The following CDC42BPB variants were observed in gnomAD, a reference collection of about 807,000 sequenced individuals.
CDC42BPB encodes the protein CDC42 binding protein kinase beta, also known as serine/threonine-protein kinase MRCK beta.
In CDC42BPB, 37 loss-of-function variants were observed where a neutral mutation model predicts 214.9. That is an observed-to-expected ratio of 0.17 (90% CI 0.13 to 0.23). The LOEUF (loss-of-function observed/expected upper bound fraction) is 0.23, where lower values mean the gene tolerates loss of function less well. Ranked by LOEUF, CDC42BPB falls within the 10% of genes least tolerant of loss-of-function variation. The probability of loss-of-function intolerance (pLI) is 1.00; values close to 1 mark genes in which losing one functional copy is unlikely to be tolerated. For missense variants in CDC42BPB, 1,694 were observed against 2,227.0 expected, an observed-to-expected ratio of 0.76 and a Z score of 4.82; for synonymous variants, 931 against 884.0, an observed-to-expected ratio of 1.05 and a Z score of -0.94.
chr14:102,954,993 T>C (rs1406986059), intron 21 of CDC42BPB: 1 of 159,128 alleles, frequency 6.3e-6, no homozygotes, highest in Non-Finnish European at 1.3e-5. Flanking sequence ...GAGACACCTC[T>C]AATGCACAGC....
At chr14:103,019,408 A>G (rs570857932) in intron 1 of CDC42BPB, among the ~76,000 whole-genome samples, 1 of 152,270 alleles carries the variant, frequency 6.6e-6, no homozygotes, top group South Asian at 2.1e-4. Context: ...GCACCTGGGC[A>G]TCATCTCAGA....
chr14:102,984,578 C>T (rs1387874613), intron 6 of CDC42BPB, among the ~76,000 whole-genome samples: 2 of 152,108 alleles, frequency 1.3e-5, no homozygotes, highest in African/African-American at 4.8e-5. Flanking sequence ...ACAGTGACAC[C>T]TCTGCAGAAA....
intron 1 of CDC42BPB, among the ~76,000 whole-genome samples, chr14:103,019,986 T>C (rs921542548): frequency 5.3e-5 from 8 of 152,210 alleles, no homozygotes; most frequent in African/African-American, 1.9e-4. Context: ...TCAAACAAGA[T>C]GAGACCAGCT....
intron 1 of CDC42BPB, among the ~76,000 whole-genome samples, chr14:103,020,328 C>T (rs982691828): frequency 1.3e-5 from 2 of 152,218 alleles, no homozygotes; most frequent in African/African-American, 2.4e-5. Flanking sequence ...GTCAACTCCA[C>T]CCACAGCGTG....
Position 102,938,296 on chromosome 14 carries a change from T to C in CDC42BPB, c.4933+10A>G. On this transcript the variant is annotated intron_variant, in intron 35 of 36. Coordinates refer to ENST00000361246, the MANE Select transcript of CDC42BPB (RefSeq NM_006035.4). ...CCCCCAGGGCTGCGGGGGCCAGGCT[T>C]CCCCTGTACCTGATGAGGGCCACGA... 3.7e-6 allele frequency: 6 copies of C among 1,607,110 alleles called. No individual in the cohort carries two copies. Among genetic ancestry groups the C allele is most frequent in the Non-Finnish European group, 5.1e-6 (6 of 1,177,090 alleles).
intron 1 of CDC42BPB, among the ~76,000 whole-genome samples, chr14:103,030,695 CAA>C (rs975085322): frequency 6.6e-6 from 1 of 151,520 alleles, no homozygotes; most frequent in African/African-American, 2.4e-5. Context: ...GGCTCCATCT[CAA>C]AAAAAAGTGT....
intron 2 of CDC42BPB, among the ~76,000 whole-genome samples, chr14:103,010,697 A>C (rs967757117): frequency 3.3e-5 from 5 of 152,340 alleles, no homozygotes; most frequent in African/African-American, 1.2e-4. Flanking sequence ...GAGAGCTTAG[A>C]TCAAACCTCA....
At chr14:102,959,762 T>C in intron 20 of CDC42BPB, 52 bp from the exon 21 acceptor site, 1 of 1,558,960 alleles carries the variant, frequency 6.4e-7, no homozygotes, top group Non-Finnish European at 8.7e-7. Flanking sequence ...AGTCTACATA[T>C]TATTTTCAGA....
intron 5 of CDC42BPB, among the ~76,000 whole-genome samples, chr14:102,990,242 TAAAACAAAAC>T (rs200346081): frequency 1.2e-4 from 18 of 152,006 alleles, no homozygotes; most frequent in South Asian, 2.1e-4. Context: ...GAGATGGGGT[TAAAACAAAAC>T]AAAACAAAAC....
chr14:102,947,448 G>A (rs918785363), intron 27 of CDC42BPB, among the ~76,000 whole-genome samples: 15 of 152,216 alleles, frequency 9.9e-5, no homozygotes, highest in African/African-American at 2.9e-4. Context: ...TGGCCGGGAC[G>A]TGGACTGAGT....
intron 1 of CDC42BPB, among the ~76,000 whole-genome samples, chr14:103,039,929 T>C (rs536851756): frequency 2.0e-5 from 3 of 152,144 alleles, no homozygotes; most frequent in Admixed American, 6.6e-5. Context: ...AATTAAAAAG[T>C]TCAGCAATTT....
At chr14:102,950,146 G>A (rs542798036) in intron 25 of CDC42BPB, 1 of 964,342 alleles carries the variant, frequency 1.0e-6, no homozygotes, top group East Asian at 1.1e-4. Flanking sequence ...AGGGTGCTGT[G>A]GTACACGCAG....
intron 36 of CDC42BPB, among the ~76,000 whole-genome samples, chr14:102,934,647 T>C (rs1021438358): frequency 1.3e-5 from 2 of 152,176 alleles, no homozygotes; most frequent in African/African-American, 2.4e-5. Context: ...GCACTAGGAA[T>C]AGAGGGGAAC....
intron 16 of CDC42BPB, 134 bp downstream of exon 16, chr14:102,968,119 G>A: frequency 1.6e-6 from 1 of 626,720 alleles, no homozygotes; most frequent in East Asian, 2.9e-5. Flanking sequence ...AAACTTCCAA[G>A]ACTCAAGAAT....
At chr14:102,958,763 C>T (rs1199132070) in intron 21 of CDC42BPB, among the ~76,000 whole-genome samples, 2 of 152,136 alleles carry the variant, frequency 1.3e-5, no homozygotes, top group Non-Finnish European at 2.9e-5. Flanking sequence ...AACCACCTTT[C>T]CCATCGATCC....
chr14:103,026,519 T>G (rs1887063722), intron 1 of CDC42BPB, among the ~76,000 whole-genome samples: 1 of 151,956 alleles, frequency 6.6e-6, no homozygotes, highest in African/African-American at 2.4e-5. Context: ...ATCATTCTGT[T>G]TTTTAACTAC....
At chr14:103,032,410 T>C (rs557702447) in intron 1 of CDC42BPB, among the ~76,000 whole-genome samples, 1 of 152,014 alleles carries the variant, frequency 6.6e-6, no homozygotes, top group South Asian at 2.1e-4. Context: ...CCACAAAATA[T>C]ACTGGGCCAA....
intron 5 of CDC42BPB, among the ~76,000 whole-genome samples, chr14:102,992,023 C>T (rs1384275410): frequency 1.3e-5 from 2 of 152,136 alleles, no homozygotes; most frequent in East Asian, 3.9e-4. Flanking sequence ...TGCTCATGAG[C>T]CACATGTGGC....
At chr14:102,950,417 C>A in intron 25 of CDC42BPB, 49 bp downstream of exon 25, 1 of 1,605,484 alleles carries the variant, frequency 6.2e-7, no homozygotes, top group South Asian at 1.1e-5. Context: ...CTATTGGTCA[C>A]TGCACCTCAC....
Sources: gnomAD v4.1 joint callset for allele counts (sites outside exome capture counted in the v4.1 genomes callset) on GRCh38, gnomAD v4.1.1 for gene constraint, MANE v1.5 for transcripts, NCBI Gene and HGNC (gene_info 2026-07-23, HGNC 2026-07-21) for gene names.